The following RERE variants were observed in gnomAD, a reference collection of about 807,000 sequenced individuals.
The protein encoded by RERE is arginine-glutamic acid dipeptide repeats protein.
Under a neutral mutation model 146.1 loss-of-function variants are expected in RERE, and 40 were observed. The ratio of observed to expected loss-of-function variants is 0.27; its 90% CI spans 0.21 to 0.36. The LOEUF (loss-of-function observed/expected upper bound fraction) is 0.36, where lower values mean the gene tolerates loss of function less well. Among genes scored for constraint, RERE ranks in the 10% least tolerant of loss-of-function variants. The pLI is 1.00. For synonymous variants in RERE, 1,003 were observed against 866.0 expected (o/e 1.16, Z -2.78); for missense variants, 1,933 against 2,138.7 (o/e 0.90, Z 1.90).
chr1:8,774,347 A>ATTTTTTTTTTTT (rs34859762), intron 1 of RERE, among the ~76,000 whole-genome samples: 2 of 93,180 alleles, frequency 2.1e-5, no homozygotes, highest in African/African-American at 4.0e-5. Context: ...TTGGCAAACT[A>ATTTTTTTTTTTT]TTTTTTTTTT....
chr1:8,502,052 C>G (rs1468065062), intron 8 of RERE, among the ~76,000 whole-genome samples: 4 of 104,120 alleles, frequency 3.8e-5, no homozygotes, highest in Non-Finnish European at 6.1e-5. Context: ...GTCAGCCCCC[C>G]GCCTGGCCAG....
At chr1:8,744,531 C>CA (rs1310568134) in intron 1 of RERE, among the ~76,000 whole-genome samples, 1 of 152,184 alleles carries the variant, frequency 6.6e-6, no homozygotes, top group African/African-American at 2.4e-5. Flanking sequence ...GGTACATTCT[C>CA]AATCAGGTAA....
chr1:8,679,260 A>C (rs543069818), intron 1 of RERE, among the ~76,000 whole-genome samples: 2 of 152,238 alleles, frequency 1.3e-5, no homozygotes, highest in Non-Finnish European at 2.9e-5. Flanking sequence ...TGACTCTCAC[A>C]AAGGCAACAG....
intron 11 of RERE, among the ~76,000 whole-genome samples, chr1:8,456,146 G>A (rs1406724028): frequency 6.6e-6 from 1 of 152,200 alleles, no homozygotes; most frequent in Non-Finnish European, 1.5e-5. Flanking sequence ...CCTGAGCTGA[G>A]TCTCAAAGCC....
chr1:8,547,556 A>T (rs1645879329), intron 6 of RERE, among the ~76,000 whole-genome samples: 1 of 152,266 alleles, frequency 6.6e-6, no homozygotes, highest in African/African-American at 2.4e-5. Flanking sequence ...TAAAACAAAA[A>T]GAAAACCCAA....
intron 12 of RERE, chr1:8,381,013 C>T: frequency 4.4e-6 from 2 of 456,674 alleles, no homozygotes; most frequent in South Asian, 3.1e-5. Context: ...CCAGGATCTC[C>T]TTGGGTGCAG....
intron 1 of RERE, among the ~76,000 whole-genome samples, chr1:8,811,008 G>A (rs572030859): frequency 1.9e-4 from 29 of 152,310 alleles, no homozygotes; most frequent in South Asian, 8.3e-4. Context: ...AACTGACTAC[G>A]AGTTATGACT....
At chr1:8,618,375 T>C (rs919029992) in intron 3 of RERE, among the ~76,000 whole-genome samples, 2 of 152,024 alleles carry the variant, frequency 1.3e-5, no homozygotes, top group African/African-American at 4.8e-5. Flanking sequence ...ATGGATGGAG[T>C]ATGTGAACTC....
chr1:8,671,438 C>A (rs1638715382), intron 1 of RERE, among the ~76,000 whole-genome samples: 1 of 152,210 alleles, frequency 6.6e-6, no homozygotes, highest in Non-Finnish European at 1.5e-5. Flanking sequence ...ATCCAAACCG[C>A]TGAAGTCCTT....
chr1:8,401,069 A>ATATATATATATATGTATG (rs761609705), intron 12 of RERE, among the ~76,000 whole-genome samples: 53 of 85,110 alleles, frequency 6.2e-4, no homozygotes, highest in Non-Finnish European at 9.8e-4. Flanking sequence ...ATATATATAT[A>ATATATATATATATGTATG]TATGTCACTT....
chr1:8,783,915 G>A (rs1641214935), intron 1 of RERE, among the ~76,000 whole-genome samples: 1 of 152,132 alleles, frequency 6.6e-6, no homozygotes, highest in African/African-American at 2.4e-5. Flanking sequence ...AAGATTGCCA[G>A]CAGCCACCAG....
Position 8,361,248 on chromosome 1 carries a change from TGAG to T in RERE, c.2256_2258del (p.Ser753del), listed in dbSNP as rs1181684149. ...GCAGCTGAGGGGTCCCTGGAGGAGC[TGAG>T]GAGGGAGCTGGGGTGACCCCAGTGG... On this transcript the variant is annotated inframe_deletion, in exon 18 of 23. Transcript: ENST00000400908. The T allele has an allele frequency of 6.4e-7, 1 of 1,564,126 alleles. No homozygotes were observed.
chr1:8,449,330 T>TA (rs1644363715), intron 11 of RERE, among the ~76,000 whole-genome samples: 1 of 152,164 alleles, frequency 6.6e-6, no homozygotes, highest in Non-Finnish European at 1.5e-5. Context: ...CAGTGACATT[T>TA]AAAGGGAACT....
intron 11 of RERE, among the ~76,000 whole-genome samples, chr1:8,456,216 A>G (rs1644451686): frequency 6.6e-6 from 1 of 152,218 alleles, no homozygotes; most frequent in African/African-American, 2.4e-5. Flanking sequence ...AGGTGTTATA[A>G]TTCAGAGCAT....
In RERE at chr1:8,478,322, A is replaced by C. The variant is rs929892847; in HGVS notation, c.1105-12299T>G. Among the ~76,000 whole-genome samples the C allele has an allele frequency of 5.9e-5, 9 of 152,228 alleles. 1 individual carries two copies. The highest frequency in any genetic ancestry group is 2.2e-4 in the African/African-American group (9 of 41,446). ...GGTGGACTTGACTTGAGAAGATATG[A>C]AAATGTATTCCTCCTCATTTCTAAA... On this transcript the variant is annotated intron_variant, in intron 10 of 22. Coordinates refer to ENST00000400908, the MANE Select transcript of RERE (RefSeq NM_001042681.2).
chr1:8,748,790 G>T (rs1640474141), intron 1 of RERE, among the ~76,000 whole-genome samples: 1 of 152,170 alleles, frequency 6.6e-6, no homozygotes, highest in Non-Finnish European at 1.5e-5. Flanking sequence ...ATCAGACCTA[G>T]TCCCACCTTC....
chr1:8,645,961 A>G (rs934039358), intron 2 of RERE, among the ~76,000 whole-genome samples: 1 of 152,250 alleles, frequency 6.6e-6, no homozygotes, highest in Non-Finnish European at 1.5e-5. Flanking sequence ...AATGTAATCC[A>G]TAACTAAAAG....
intron 11 of RERE, among the ~76,000 whole-genome samples, chr1:8,461,328 G>C (rs1196419827): frequency 1.3e-5 from 2 of 151,820 alleles, no homozygotes; most frequent in Admixed American, 1.3e-4. Flanking sequence ...ATGTGAAATT[G>C]ATTAACCATC....
intron 13 of RERE, 74 bp downstream of exon 13, chr1:8,365,738 C>G: frequency 6.5e-7 from 1 of 1,544,870 alleles, no homozygotes; most frequent in South Asian, 1.2e-5. Flanking sequence ...TCAGCTCCTA[C>G]GGGCCCAGAG....
Sources: gnomAD v4.1 joint callset for allele counts (sites outside exome capture counted in the v4.1 genomes callset) on GRCh38, gnomAD v4.1.1 for gene constraint, MANE v1.5 for transcripts, NCBI Gene and HGNC (gene_info 2026-07-23, HGNC 2026-07-21) for gene names.